Variants in RBFOX1 observed in about 807,000 individuals in gnomAD.
RBFOX1 encodes the protein RNA binding fox-1 homolog 1, also known as RNA binding protein fox-1 homolog 1.
Under a neutral mutation model 57.7 loss-of-function variants are expected in RBFOX1, and 8 were observed. That is an observed-to-expected ratio of 0.14 (90% CI 0.08 to 0.25). The LOEUF is 0.25. Ranked by LOEUF, RBFOX1 falls within the 10% of genes least tolerant of loss-of-function variation. The pLI, the probability that RBFOX1 is intolerant of heterozygous loss-of-function variation, is 1.00. For missense variants in RBFOX1, 611 were observed against 548.5 expected, an observed-to-expected ratio of 1.11 and a Z score of -1.14; for synonymous variants, 326 against 222.4, an observed-to-expected ratio of 1.47 and a Z score of -4.15.
intron 1 of RBFOX1, among the ~76,000 whole-genome samples, chr16:6,232,064 T>C (rs929306401): frequency 2.0e-5 from 3 of 152,202 alleles, no homozygotes; most frequent in African/African-American, 7.2e-5. Flanking sequence ...TAATTTGCCC[T>C]ATTCCTCCGT....
chr16:5,909,177 C>G (rs1246457794), intron 4 of RBFOX1, among the ~76,000 whole-genome samples: 1 of 145,496 alleles, frequency 6.9e-6, no homozygotes, highest in African/African-American at 2.6e-5. Flanking sequence ...ACTGCAAGCT[C>G]CGCCTCCCGG....
At chr16:7,666,949 T>C (rs1358581109) in intron 13 of RBFOX1, among the ~76,000 whole-genome samples, 1 of 152,166 alleles carries the variant, frequency 6.6e-6, no homozygotes, top group Non-Finnish European at 1.5e-5. Flanking sequence ...CAGTCCTAAG[T>C]TGTCTGATAT....
At chr16:7,067,878 T>A (rs1318372065) in intron 4 of RBFOX1, among the ~76,000 whole-genome samples, 1 of 151,900 alleles carries the variant, frequency 6.6e-6, no homozygotes, top group Non-Finnish European at 1.5e-5. Flanking sequence ...TCATTTTTTA[T>A]GGCTGCATAG....
At chr16:6,460,212 C>A (rs2094883997) in intron 2 of RBFOX1, among the ~76,000 whole-genome samples, 2 of 151,920 alleles carry the variant, frequency 1.3e-5, no homozygotes, top group African/African-American at 4.8e-5. Context: ...TCCATTGGTT[C>A]TCTCTCCTTG....
At chr16:5,845,686 G>A (rs2056738614) in intron 3 of RBFOX1, among the ~76,000 whole-genome samples, 1 of 152,190 alleles carries the variant, frequency 6.6e-6, no homozygotes, top group Non-Finnish European at 1.5e-5. Flanking sequence ...TAATTAAGAT[G>A]AAACTTAAAA....
At chr16:6,140,146 T>C (rs551566316) in intron 1 of RBFOX1, among the ~76,000 whole-genome samples, 35 of 152,222 alleles carry the variant, frequency 2.3e-4, no homozygotes, top group African/African-American at 7.5e-4. Flanking sequence ...TACTGTCTGA[T>C]AATTCGTAAA....
intron 3 of RBFOX1, among the ~76,000 whole-genome samples, chr16:6,740,499 A>G (rs1187057883): frequency 6.6e-6 from 1 of 152,222 alleles, no homozygotes; most frequent in Non-Finnish European, 1.5e-5. Context: ...CCAAAAATTT[A>G]AAACCCACAC....
chr16:5,839,958 T>A (rs530835441), intron 3 of RBFOX1, among the ~76,000 whole-genome samples: 1 of 152,324 alleles, frequency 6.6e-6, no homozygotes, highest in East Asian at 1.9e-4. Context: ...TGAGTTGGAA[T>A]GATTACTGGA....
chr16:5,771,436 TCTCC>T lies in RBFOX1; in HGVS notation c.319-95862_319-95859del, dbSNP rs2053972726. Among the ~76,000 whole-genome samples the T allele has an allele frequency of 4.6e-5, 7 of 152,202 alleles. No individual in the cohort carries two copies. In the South Asian group the frequency reaches 1.5e-3, roughly 32 times the overall value. ...TTTGTTTTGTTTTCTTGAGGTGGAG[TCTCC>T]CTCCGTAGTCCAGGCTGGAGTGCAG... On this transcript the variant is annotated intron_variant, in intron 3 of 19. Coordinates refer to the RBFOX1 transcript ENST00000641259.
At chr16:6,908,378 C>A (rs1370137304) in intron 3 of RBFOX1, among the ~76,000 whole-genome samples, 1 of 146,294 alleles carries the variant, frequency 6.8e-6, no homozygotes, top group African/African-American at 2.4e-5. Context: ...CGATGTGTGT[C>A]TGTCTGCCTG....
At chr16:6,769,274 C>T (rs1265233554) in intron 3 of RBFOX1, among the ~76,000 whole-genome samples, 1 of 152,212 alleles carries the variant, frequency 6.6e-6, no homozygotes, top group African/African-American at 2.4e-5. Context: ...ATGAGACTTG[C>T]TCCTCCTTGC....
chr16:7,234,848 T>C (rs2093690276), intron 4 of RBFOX1, among the ~76,000 whole-genome samples: 1 of 152,106 alleles, frequency 6.6e-6, no homozygotes, highest in Non-Finnish European at 1.5e-5. Context: ...TGGATGTTTT[T>C]TAGCATTTAA....
intron 3 of RBFOX1, among the ~76,000 whole-genome samples, chr16:7,018,115 G>A (rs544918272): frequency 1.3e-5 from 2 of 152,044 alleles, no homozygotes; most frequent in African/African-American, 2.4e-5. Context: ...GAGCATCTAG[G>A]TCTTAGGAAG....
intron 4 of RBFOX1, among the ~76,000 whole-genome samples, chr16:7,066,731 T>A (rs1400493442): frequency 2.0e-5 from 3 of 152,198 alleles, no homozygotes; most frequent in African/African-American, 7.2e-5. Context: ...GGATTGGTGG[T>A]TGAAATCATT....
intron 2 of RBFOX1, among the ~76,000 whole-genome samples, chr16:5,550,374 C>T (rs1047242242): frequency 1.3e-5 from 2 of 152,156 alleles, no homozygotes; most frequent in African/African-American, 4.8e-5. Flanking sequence ...GGAAAGGCAG[C>T]TCATTCTTCA....
At chr16:6,757,837 A>G (rs1035292686) in intron 3 of RBFOX1, among the ~76,000 whole-genome samples, 3 of 152,220 alleles carry the variant, frequency 2.0e-5, no homozygotes, top group Non-Finnish European at 2.9e-5. Flanking sequence ...GTTTGAGGTG[A>G]TGGATACCCC....
intron 1 of RBFOX1, among the ~76,000 whole-genome samples, chr16:5,308,391 A>C (rs1047031810): frequency 1.3e-5 from 2 of 151,984 alleles, no homozygotes; most frequent in African/African-American, 4.8e-5. Flanking sequence ...AGAGGCAACA[A>C]CTTTGAATTC....
intron 2 of RBFOX1, among the ~76,000 whole-genome samples, chr16:6,429,830 C>G (rs377026949): frequency 1.4e-4 from 21 of 152,218 alleles, no homozygotes; most frequent in African/African-American, 5.1e-4. Context: ...TCTTTCCTGC[C>G]CAGCGTGGTG....
intron 4 of RBFOX1, among the ~76,000 whole-genome samples, chr16:5,880,355 A>G (rs924379354): frequency 2.4e-4 from 37 of 152,322 alleles, no homozygotes; most frequent in African/African-American, 8.4e-4. Flanking sequence ...TGTAGTAGAA[A>G]GAGCTACAGG....
Sources: gnomAD v4.1 joint callset for allele counts (sites outside exome capture counted in the v4.1 genomes callset) on GRCh38, gnomAD v4.1.1 for gene constraint, MANE v1.5 for transcripts, NCBI Gene and HGNC (gene_info 2026-07-23, HGNC 2026-07-21) for gene names.